The following ARL6IP1 variants were observed in gnomAD, a reference collection of about 807,000 sequenced individuals.
The protein encoded by ARL6IP1 is ADP-ribosylation factor-like protein 6-interacting protein 1.
In ARL6IP1, 16 loss-of-function variants were observed where a neutral mutation model predicts 30.1. That is an observed-to-expected ratio of 0.53 (90% CI 0.36 to 0.81). The LOEUF (loss-of-function observed/expected upper bound fraction) is 0.81. Among genes scored for constraint, ARL6IP1 ranks in the 30% least tolerant of loss-of-function variants. The probability of loss-of-function intolerance (pLI) is 0.01; values close to 1 mark genes in which losing one functional copy is unlikely to be tolerated. For synonymous variants in ARL6IP1, 72 were observed against 84.8 expected, an observed-to-expected ratio of 0.85 and a Z score of 0.83; for missense variants, 173 against 242.7, an observed-to-expected ratio of 0.71 and a Z score of 1.91.
chr16:18,798,591 T>A (rs1431877872), intron 2 of ARL6IP1, 110 bp downstream of exon 2: 1 of 1,176,914 alleles, frequency 8.5e-7, no homozygotes, highest in Non-Finnish European at 1.1e-6. Flanking sequence ...GGGTTCTTTA[T>A]GGGTTATATA....
At chr16:18,794,480 T>C (rs567620869) in intron 5 of ARL6IP1, 119 bp downstream of exon 5, 1 of 646,180 alleles carries the variant, frequency 1.5e-6, no homozygotes, top group Non-Finnish European at 2.7e-6. Context: ...AATCTTTCCA[T>C]ATTCCCACAG....
chr16:18,797,391 A>AG (rs1355730933), intron 3 of ARL6IP1, among the ~76,000 whole-genome samples: 1 of 151,842 alleles, frequency 6.6e-6, no homozygotes, highest in Non-Finnish European at 1.5e-5. Flanking sequence ...CAAAAAAAAA[A>AG]AAAAAAAAGA....
intron 2 of ARL6IP1, chr16:18,798,284 G>A: frequency 5.3e-6 from 2 of 377,538 alleles, no homozygotes. Flanking sequence ...TTTTTTAAGA[G>A]TTTAGGGAGG....
intron 3 of ARL6IP1, 127 bp from the exon 4 acceptor site, chr16:18,795,708 T>C (rs1306605463): frequency 1.5e-6 from 1 of 645,402 alleles, no homozygotes; most frequent in African/African-American, 1.8e-5. Context: ...ACCATTATCT[T>C]ATGTAGGTGA....
chr16:18,795,798 T>A (rs563558852), intron 3 of ARL6IP1, among the ~76,000 whole-genome samples: 3 of 151,428 alleles, frequency 2.0e-5, no homozygotes, highest in South Asian at 2.1e-4. Flanking sequence ...AGAGAGAGAG[T>A]GTGTGTGTGT....
chr16:18,793,651 G>A (rs865903528), intron 5 of ARL6IP1, among the ~76,000 whole-genome samples: 23 of 151,854 alleles, frequency 1.5e-4, no homozygotes, highest in Admixed American at 1.3e-4. Context: ...GGCTGGTCTC[G>A]AACTCCCAAT....
At chr16:18,797,896 T>C in intron 3 of ARL6IP1, 29 bp downstream of exon 3, 1 of 1,601,542 alleles carries the variant, frequency 6.2e-7, no homozygotes, top group Non-Finnish European at 8.5e-7. Flanking sequence ...TACACAAAAA[T>C]GAGACTGCCA....
At position 18,794,579 on chromosome 16, in the gene ARL6IP1, G is replaced by A; in HGVS notation, c.493+20C>T. On this transcript the variant is annotated intron_variant, in intron 5 of 5. Transcript: ENST00000304414. The stretch of plus-strand genomic sequence containing the variant: ...TTTCACTGGCCAGGATGTGCCTGTA[G>A]TTTTTCCTCAAAGACTTACCTATCA... The A allele has an allele frequency of 6.2e-7, 1 of 1,601,682 alleles. No individual in the cohort carries two copies. The highest frequency in any genetic ancestry group is 8.5e-7 in the Non-Finnish European group (1 of 1,169,804).
chr16:18,794,062 A>G (rs555915908), intron 5 of ARL6IP1, among the ~76,000 whole-genome samples: 17 of 151,906 alleles, frequency 1.1e-4, no homozygotes, highest in Non-Finnish European at 2.2e-4. Context: ...GGTGATTCTC[A>G]TGCCTCAGCC....
At chr16:18,798,979 A>C in intron 1 of ARL6IP1, 145 bp from the exon 2 acceptor site, 1 of 886,866 alleles carries the variant, frequency 1.1e-6, no homozygotes. Context: ...TTTCTGAAAA[A>C]CTGCAATTTC....
intron 4 of ARL6IP1, 148 bp from the exon 5 acceptor site, chr16:18,794,831 A>AT (rs2030180630): frequency 1.8e-6 from 1 of 548,994 alleles, no homozygotes; most frequent in African/African-American, 1.9e-5. Context: ...AAATTCTTAG[A>AT]TTTAAAAACC....
Position 18,798,078 on chromosome 16 carries a change from T to C in ARL6IP1, c.171-34A>G, listed in dbSNP as rs1299977085. 7 of 1,543,570 alleles carry C rather than the reference T, an allele frequency of 4.5e-6. No homozygotes were observed. The East Asian group carries it at 1.4e-4, about 31-fold the overall frequency. ...AAAATTAATAAAGGTTAGAAAAACA[T>C]AGTCATTATTATTCCTAACTAAACA... is the stretch of plus-strand genomic sequence containing the variant. On this transcript the variant is annotated intron_variant, in intron 2 of 5. Coordinates refer to ENST00000304414, the MANE Select transcript of ARL6IP1 (RefSeq NM_015161.3).
Position 18,793,345 on chromosome 16 carries a change from T to C in ARL6IP1, c.519A>G (p.Gly173=), listed in dbSNP as rs2030126105. The part of the protein sequence containing the change: ...LIVTSLLLLP[G]LNQHGIILKY... ...TCAAAATGATTCCATGTTGGTTTAGTCCAGGAAGCAATAGTAAGGAAGTCA... is the reference window on the plus strand; with the variant it reads ...TCAAAATGATTCCATGTTGGTTTAGCCCAGGAAGCAATAGTAAGGAAGTCA... Residue 173 remains glycine (G), a synonymous_variant, in exon 6 of 6, where the codon GGA becomes GGG. Coordinates refer to ENST00000304414, the MANE Select transcript of ARL6IP1 (RefSeq NM_015161.3). 1 of 1,611,180 alleles carries C rather than the reference T, an allele frequency of 6.2e-7. No individual in the cohort carries two copies. Among genetic ancestry groups the C allele is most frequent in the Admixed American group, 1.7e-5 (1 of 59,682 alleles).
chr16:18,801,406 C>T, intron 1 of ARL6IP1, 25 bp downstream of exon 1: 1 of 1,612,246 alleles, frequency 6.2e-7, no homozygotes. Context: ...GCTCGGCTCC[C>T]GGGGGACAGG....
intron 1 of ARL6IP1, among the ~76,000 whole-genome samples, chr16:18,800,520 C>A (rs1177127672): frequency 6.6e-6 from 1 of 152,200 alleles, no homozygotes; most frequent in African/African-American, 2.4e-5. Context: ...AAGGAACAAA[C>A]CATGCATTTC....
chr16:18,801,374 C>T, intron 1 of ARL6IP1, 57 bp downstream of exon 1: 1 of 1,602,808 alleles, frequency 6.2e-7, no homozygotes, highest in Admixed American at 1.7e-5. Context: ...GGTGTTTGAG[C>T]CCACGGACGT....
chr16:18,801,320 G>C (rs938874931), intron 1 of ARL6IP1, 111 bp downstream of exon 1: 2 of 1,543,854 alleles, frequency 1.3e-6, no homozygotes, highest in African/African-American at 2.8e-5. Context: ...CCTGCCCAGG[G>C]AGAGAAGGGC....
chr16:18,800,166 C>T (rs899563026), intron 1 of ARL6IP1, among the ~76,000 whole-genome samples: 5 of 152,144 alleles, frequency 3.3e-5, no homozygotes, highest in Non-Finnish European at 7.3e-5. Flanking sequence ...ATGCTTAATA[C>T]TAGTGAAAGA....
In ARL6IP1 at chr16:18,795,525, C is replaced by T. The variant is rs189570291; in HGVS notation, c.347G>A (p.Arg116Gln). The T allele has an allele frequency of 6.0e-5, 97 of 1,613,732 alleles. No homozygotes were observed. The highest frequency in any genetic ancestry group is 8.3e-5 in the Admixed American group (5 of 60,024). ...TTTCCACCAACCCACAGCTCTGCGT[C>T]GAGTTTTTACTAGATTGCTGCAAAT... ...HEICSNLVKT[R>Q]RRAVGWWKRL... The change falls in exon 4 of 6, where the codon CGA (arginine) becomes CAA (glutamine). Residue 116 changes from arginine (R) to glutamine (Q), a missense_variant. By Grantham distance (43) the Arg-to-Gln change is conservative. Transcript: ENST00000304414.
Sources: gnomAD v4.1 joint callset for allele counts (sites outside exome capture counted in the v4.1 genomes callset) on GRCh38, gnomAD v4.1.1 for gene constraint, MANE v1.5 for transcripts, NCBI Gene and HGNC (gene_info 2026-07-23, HGNC 2026-07-21) for gene names.